Variants in ALMS1 observed in about 807,000 individuals in gnomAD.
ALMS1 encodes centrosome-associated protein ALMS1.
In ALMS1, 271 loss-of-function variants were observed where a neutral mutation model predicts 352.2. That is an observed-to-expected ratio of 0.77 (90% CI 0.70 to 0.85). The LOEUF (loss-of-function observed/expected upper bound fraction) is 0.85. Ranked by LOEUF, ALMS1 falls within the 40% of genes least tolerant of loss-of-function variation. The probability of loss-of-function intolerance (pLI) is 0.00; values close to 1 mark genes in which losing one functional copy is unlikely to be tolerated. For missense variants in ALMS1, 5,445 were observed against 4,870.7 expected, an observed-to-expected ratio of 1.12 and a Z score of -3.51; for synonymous variants, 1,865 against 1,761.2, an observed-to-expected ratio of 1.06 and a Z score of -1.48.
At chr2:73,461,387 C>T (rs1214326394) in intron 9 of ALMS1, among the ~76,000 whole-genome samples, 3 of 152,244 alleles carry the variant, frequency 2.0e-5, no homozygotes, top group Admixed American at 2.0e-4. Context: ...AGACCTGCAG[C>T]TGAGGGTCCT....
chr2:73,588,836 T>C (rs190103106), intron 16 of ALMS1, among the ~76,000 whole-genome samples: 1 of 152,340 alleles, frequency 6.6e-6, no homozygotes, highest in African/African-American at 2.4e-5. Context: ...ATGTTTCATA[T>C]ATTTTTGTAA....
At chr2:73,535,332 C>T (rs1408265626) in intron 12 of ALMS1, among the ~76,000 whole-genome samples, 1 of 151,816 alleles carries the variant, frequency 6.6e-6, no homozygotes, top group Non-Finnish European at 1.5e-5. Flanking sequence ...AATTGTTTTC[C>T]TCTGACAACT....
chr2:73,457,198 A>G (rs989666522), intron 9 of ALMS1: 6 of 152,224 alleles, frequency 3.9e-5, no homozygotes, highest in Admixed American at 2.6e-4. Context: ...CAAGATTCCT[A>G]TTCTCATTTC....
chr2:73,393,811 GA>G (rs1558627936), intron 1 of ALMS1, among the ~76,000 whole-genome samples: 1 of 151,328 alleles, frequency 6.6e-6, no homozygotes, highest in Non-Finnish European at 1.5e-5. Flanking sequence ...CTTATTCCAG[GA>G]AACACTTTTT....
At chr2:73,468,661 G>C (rs759092633) in intron 9 of ALMS1, among the ~76,000 whole-genome samples, 3 of 151,836 alleles carry the variant, frequency 2.0e-5, no homozygotes, top group Admixed American at 1.3e-4. Flanking sequence ...TTTGTGACTG[G>C]CTTATTTCAC....
At chr2:73,408,775 T>A (rs750920914) in intron 2 of ALMS1, 28 bp downstream of exon 2, 53 of 1,610,778 alleles carry the variant, frequency 3.3e-5, no homozygotes, top group Admixed American at 2.0e-4. Context: ...GGCTAACTTT[T>A]TTTTTTTGAT....
chr2:73,421,028 C>T (rs914325689), intron 3 of ALMS1, among the ~76,000 whole-genome samples: 4 of 152,084 alleles, frequency 2.6e-5, no homozygotes, highest in South Asian at 4.1e-4. Flanking sequence ...CTTCCCATCA[C>T]ACACACACAG....
chr2:73,548,699 A>G (rs1299378211), intron 12 of ALMS1, among the ~76,000 whole-genome samples: 1 of 152,212 alleles, frequency 6.6e-6, no homozygotes, highest in Non-Finnish European at 1.5e-5. Context: ...TCTAATTTCC[A>G]TAAAAGTGCT....
intron 9 of ALMS1, among the ~76,000 whole-genome samples, chr2:73,463,734 A>G (rs1672261253): frequency 7.2e-6 from 1 of 139,404 alleles, no homozygotes; most frequent in African/African-American, 2.7e-5. Flanking sequence ...GAAGAATCAA[A>G]TAGACACAAT....
Position 73,575,535 on chromosome 2 carries a change from A to T in ALMS1, c.11547+2111A>T, listed in dbSNP as rs79514498. ...ACCATCCTGTTGGGTGTGAGTTAGT[A>T]TCATTGTGGTTTTGATTTGCATTTC... On this transcript the variant is annotated intron_variant, in intron 16 of 22. Transcript: ENST00000613296. 4.6e-3 allele frequency among the ~76,000 whole-genome samples: 698 copies of T among 152,282 alleles called. 2 individuals carry two copies. The highest frequency in any genetic ancestry group is 7.9e-3 in the Non-Finnish European group (540 of 68,002).
At chr2:73,515,353 CTT>C (rs1239373870) in intron 10 of ALMS1, among the ~76,000 whole-genome samples, 2 of 152,036 alleles carry the variant, frequency 1.3e-5, no homozygotes, top group African/African-American at 2.4e-5. Flanking sequence ...ATTTTGAAGT[CTT>C]TTTGTGCTAA....
chr2:73,587,272 T>A (rs1675333217), intron 16 of ALMS1, among the ~76,000 whole-genome samples: 1 of 152,204 alleles, frequency 6.6e-6, no homozygotes, highest in Admixed American at 6.5e-5. Context: ...CTTTATTTTT[T>A]TCTCTTGTCT....
intron 5 of ALMS1, 110 bp from the exon 6 acceptor site, chr2:73,426,343 A>G (rs1311748507): frequency 1.1e-5 from 12 of 1,049,770 alleles, no homozygotes; most frequent in Non-Finnish European, 1.3e-5. Context: ...CAGTCGCCCA[A>G]GAGACATTGC....
At chr2:73,409,736 C>T (rs1671039632) in intron 2 of ALMS1, among the ~76,000 whole-genome samples, 1 of 152,088 alleles carries the variant, frequency 6.6e-6, no homozygotes, top group Non-Finnish European at 1.5e-5. Flanking sequence ...TTATACACAT[C>T]TGTGTGTATG....
intron 2 of ALMS1, among the ~76,000 whole-genome samples, chr2:73,417,009 A>G (rs534163312): frequency 6.6e-6 from 1 of 152,136 alleles, no homozygotes; most frequent in Non-Finnish European, 1.5e-5. Flanking sequence ...TGACAGGATC[A>G]CTTGAGCCTG....
intron 10 of ALMS1, among the ~76,000 whole-genome samples, chr2:73,495,334 A>G (rs1167049816): frequency 1.3e-5 from 2 of 152,074 alleles, no homozygotes; most frequent in Admixed American, 1.3e-4. Context: ...TCCCGGGTTC[A>G]AGCAATTCAC....
chr2:73,408,777 T>C lies in ALMS1; in HGVS notation c.450+30T>C, dbSNP rs1213458230. ...GTCTTCTGTAACTGGCTAACTTTTT[T>C]TTTTTGATAAGCAGCACAAGAAATT... On this transcript the variant is annotated intron_variant, in intron 2 of 22. Transcript: ENST00000613296. The C allele has an allele frequency of 3.7e-6, 6 of 1,610,812 alleles. No individual in the cohort carries two copies. In the African/African-American group the frequency reaches 6.7e-5, roughly 18 times the overall value.
chr2:73,490,710 C>A lies in ALMS1; in HGVS notation c.8751C>A (p.Asp2917Glu). 1 of 1,613,900 alleles carries A rather than the reference C, an allele frequency of 6.2e-7. No homozygotes were observed. The highest frequency in any genetic ancestry group is 8.5e-7 in the Non-Finnish European group (1 of 1,179,930). Reference sequence around the variant, plus strand: ...AACATCAGGATTATGTAGCTCCAGACCTTCCTTCTTGCATTTTTCTTGAAC... The same window carrying A: ...AACATCAGGATTATGTAGCTCCAGAACTTCCTTCTTGCATTTTTCTTGAAC... ...SPQHQDYVAP[D>E]LPSCIFLEQR... Residue 2917 changes from aspartate (D) to glutamate (E), a missense_variant, in exon 10 of 23, where the codon GAC (aspartate) becomes GAA (glutamate). Physicochemically the swap from Asp to Glu is conservative, Grantham distance 45. Transcript: ENST00000613296.
chr2:73,514,095 C>A (rs1414208422), intron 10 of ALMS1, among the ~76,000 whole-genome samples: 2 of 152,176 alleles, frequency 1.3e-5, no homozygotes, highest in Non-Finnish European at 2.9e-5. Context: ...CTTTTACTTT[C>A]AACCTATCTG....
Sources: allele counts gnomAD v4.1 joint callset (sites outside exome capture counted in the v4.1 genomes callset), GRCh38; gene constraint gnomAD v4.1.1; transcripts MANE v1.5; gene names NCBI Gene and HGNC (gene_info 2026-07-23, HGNC 2026-07-21).